The following TTC34 variants were observed in gnomAD, a reference collection of about 807,000 sequenced individuals.
TTC34 encodes the protein tetratricopeptide repeat domain 34, also known as tetratricopeptide repeat protein 34.
TTC34 carries 44 observed loss-of-function variants against 40.7 expected under a neutral mutation model. The observed-to-expected ratio is 1.08, with a 90% CI of 0.85 to 1.39. The LOEUF is 1.39. Among genes scored for constraint, TTC34 ranks in the 40% most tolerant of loss-of-function variants. The probability of loss-of-function intolerance (pLI) is 0.00; values close to 1 mark genes in which losing one functional copy is unlikely to be tolerated. For synonymous variants in TTC34, 422 were observed against 398.6 expected (o/e 1.06, Z -0.70); for missense variants, 884 against 838.0 (o/e 1.05, Z -0.68).
At chr1:2,683,407 C>G (rs6673862) in intron 6 of TTC34, among the ~76,000 whole-genome samples, 6 of 10,370 alleles carry the variant, frequency 5.8e-4, no homozygotes, top group East Asian at 4.1e-3. Context: ...GGTGAGCATC[C>G]GATAGCCTGG....
chr1:2,776,341 T>G (rs902835895), intron 6 of TTC34: 1 of 137,574 alleles, frequency 7.3e-6, no homozygotes, highest in African/African-American at 3.3e-5. Flanking sequence ...GGTGAGCATC[T>G]GGCAGCCTGG....
intron 6 of TTC34, among the ~76,000 whole-genome samples, chr1:2,646,648 A>G (rs1229013719): frequency 6.6e-6 from 1 of 152,242 alleles, no homozygotes; most frequent in East Asian, 1.9e-4. Flanking sequence ...GGCCTCCCAA[A>G]GTACTGGCAT....
chr1:2,775,876 G>T (rs1377074422), intron 6 of TTC34, among the ~76,000 whole-genome samples: 2 of 141,552 alleles, frequency 1.4e-5, no homozygotes, highest in Non-Finnish European at 3.0e-5. Flanking sequence ...GCCAGTCCAG[G>T]CTGCCAGATC....
intron 6 of TTC34, among the ~76,000 whole-genome samples, chr1:2,756,060 C>T (rs1324798040): frequency 1.2e-5 from 1 of 84,564 alleles, no homozygotes; most frequent in Non-Finnish European, 2.1e-5. Flanking sequence ...GAACAGCACC[C>T]ATACGCCAAG....
At chr1:2,800,667 C>T (rs986535727) in exon 2 of TTC34, 50 of 398,556 alleles carry the variant, frequency 1.3e-4, no homozygotes, top group Non-Finnish European at 2.0e-4. Context: ...CGCCGCCCCC[C>T]GAGCCTGGGC....
chr1:2,753,605 C>G (rs1329135539), intron 6 of TTC34, among the ~76,000 whole-genome samples: 3 of 104,388 alleles, frequency 2.9e-5, no homozygotes, highest in South Asian at 3.3e-4. Flanking sequence ...CATCGTGGAG[C>G]AGCACCCCAC....
At chr1:2,683,503 G>C (rs1640175128) in intron 6 of TTC34, among the ~76,000 whole-genome samples, 2 of 149,456 alleles carry the variant, frequency 1.3e-5, no homozygotes, top group Non-Finnish European at 3.0e-5. Flanking sequence ...GCCTGGAACG[G>C]CACCCACACC....
intron 6 of TTC34, among the ~76,000 whole-genome samples, chr1:2,660,735 G>C (rs1290266384): frequency 9.3e-6 from 1 of 107,280 alleles, no homozygotes; most frequent in African/African-American, 3.7e-5. Context: ...CTGACATCGT[G>C]GAGCAGCACC....
intron 6 of TTC34, among the ~76,000 whole-genome samples, chr1:2,652,375 A>G (rs1402093546): frequency 1.1e-4 from 16 of 149,742 alleles, no homozygotes; most frequent in East Asian, 2.0e-4. Flanking sequence ...CCCCCAGGTG[A>G]GCATCTGACA....
chr1:2,691,666 C>A (rs574515213), intron 6 of TTC34, among the ~76,000 whole-genome samples: 4 of 99,512 alleles, frequency 4.0e-5, no homozygotes, highest in African/African-American at 6.5e-5. Flanking sequence ...ACCGACACCC[C>A]CAGGTGAGCA....
At chr1:2,794,704 T>A (rs2100634077) in intron 2 of TTC34, among the ~76,000 whole-genome samples, 1 of 152,332 alleles carries the variant, frequency 6.6e-6, no homozygotes, top group South Asian at 2.1e-4. Context: ...TTCTGAATTG[T>A]CACCATTGAG....
At chr1:2,683,696 C>G (rs1264456440) in intron 6 of TTC34, among the ~76,000 whole-genome samples, 5 of 148,984 alleles carry the variant, frequency 3.4e-5, no homozygotes, top group South Asian at 4.2e-4. Context: ...ATCTGACAGC[C>G]TGGAACAGCA....
intron 6 of TTC34, among the ~76,000 whole-genome samples, chr1:2,674,887 G>A (rs1221803468): frequency 2.6e-5 from 3 of 114,314 alleles, no homozygotes; most frequent in African/African-American, 6.0e-5. Flanking sequence ...ACAGCCACAG[G>A]CGAGCATCTG....
chr1:2,791,823 C>T (rs923033445), intron 2 of TTC34, among the ~76,000 whole-genome samples: 3 of 151,890 alleles, frequency 2.0e-5, no homozygotes, highest in East Asian at 3.9e-4. Context: ...CCTCTCTTTC[C>T]GAGATTCCAG....
intron 6 of TTC34, among the ~76,000 whole-genome samples, chr1:2,769,708 A>C (rs1476942105): frequency 1.6e-5 from 1 of 63,684 alleles, no homozygotes; most frequent in African/African-American, 6.0e-5. Context: ...AGCAGCACCC[A>C]CACCCCCAGG....
chr1:2,641,516 C>A (rs772084141), exon 9 of TTC34: 2 of 1,535,342 alleles, frequency 1.3e-6, no homozygotes, highest in South Asian at 1.2e-5. Context: ...GCACTGCCCG[C>A]GGAGAAGGAA....
chr1:2,647,748 A>G (rs1455516636), intron 6 of TTC34, among the ~76,000 whole-genome samples: 3 of 152,196 alleles, frequency 2.0e-5, no homozygotes, highest in African/African-American at 7.2e-5. Flanking sequence ...CTCCCAAAGT[A>G]CTGGAATTAC....
chr1:2,768,508 A>G (rs539797100), intron 6 of TTC34, among the ~76,000 whole-genome samples: 5 of 151,384 alleles, frequency 3.3e-5, no homozygotes, highest in African/African-American at 9.7e-5. Flanking sequence ...CCCTCAGGTG[A>G]GTGTCTGACA....
At chr1:2,688,174 GCGAGCA>G (rs1640454887) in intron 6 of TTC34, among the ~76,000 whole-genome samples, 9 of 151,010 alleles carry the variant, frequency 6.0e-5, no homozygotes, top group East Asian at 1.9e-4. Flanking sequence ...ACACCCCCAG[GCGAGCA>G]TCGGACAGCC....
Sources: allele counts gnomAD v4.1 joint callset (sites outside exome capture counted in the v4.1 genomes callset), GRCh38; gene constraint gnomAD v4.1.1; transcripts MANE v1.5; gene names NCBI Gene and HGNC (gene_info 2026-07-23, HGNC 2026-07-21).